The following MYO1H variants were observed in gnomAD, a reference collection of about 807,000 sequenced individuals.
MYO1H encodes myosin IH.
A neutral mutation model predicts 149.3 loss-of-function variants in MYO1H; 118 were observed. The observed-to-expected ratio is 0.79, with a 90% CI of 0.68 to 0.92. The LOEUF (loss-of-function observed/expected upper bound fraction) is 0.92. Among genes scored for constraint, MYO1H ranks in the 40% least tolerant of loss-of-function variants. MYO1H has a pLI of 0.00. For missense variants in MYO1H, 1,212 were observed against 1,280.7 expected, an observed-to-expected ratio of 0.95 and a Z score of 0.82; for synonymous variants, 447 against 465.2, an observed-to-expected ratio of 0.96 and a Z score of 0.50.
At chr12:109,365,915 T>C (rs1212247163) in intron 1 of MYO1H, among the ~76,000 whole-genome samples, 1 of 152,186 alleles carries the variant, frequency 6.6e-6, no homozygotes, top group Non-Finnish European at 1.5e-5. Context: ...TCACTGCCGA[T>C]GCTCCGCCTC....
intron 1 of MYO1H, among the ~76,000 whole-genome samples, chr12:109,366,218 C>T (rs1868862097): frequency 6.6e-6 from 1 of 152,204 alleles, no homozygotes; most frequent in African/African-American, 2.4e-5. Context: ...TTTCCAATCA[C>T]TTCTTTTTGC....
rs770815539 is a variant in MYO1H, at chr12:109,439,672, C to T, written c.2336C>T (p.Pro779Leu). ...ATCAGTCGCAACAAACCCCTCTGTC[C>T]TGACAACGAGGAATTTATCGTGTTT... Residue 779 changes from proline (P) to leucine (L), a missense_variant, in exon 24 of 32, where the codon CCT becomes CTT. Pro to Leu is a moderately conservative substitution (Grantham distance 98). Transcript: ENST00000310903. The T allele has an allele frequency of 3.7e-6, 6 of 1,613,742 alleles. No individual in the cohort carries two copies. In the South Asian group the frequency reaches 5.5e-5, roughly 15 times the overall value.
chr12:109,386,995 CGTGT>C (rs55675476), intron 1 of MYO1H, among the ~76,000 whole-genome samples: 12,777 of 140,850 alleles, frequency 0.091, 602 homozygotes, highest in Middle Eastern at 0.13. Flanking sequence ...ATCTCAAGTT[CGTGT>C]GTGTGTGTGT....
chr12:109,361,394 G>A (rs770688079), intron 1 of MYO1H, among the ~76,000 whole-genome samples: 55 of 152,186 alleles, frequency 3.6e-4, no homozygotes, highest in African/African-American at 1.3e-3. Flanking sequence ...TGAGTCATTT[G>A]CTGAGGACTT....
rs55675476 is a variant in MYO1H at position 109,386,995 on chromosome 12, CGTGTGTGTGTGT to C, written c.13-1653_13-1642del. Among the ~76,000 whole-genome samples, 1,106 of 141,182 alleles carry C rather than the reference CGTGTGTGTGTGT, an allele frequency of 7.8e-3. 13 individuals are homozygous for C. The highest frequency in any genetic ancestry group is 0.057 in the East Asian group (271 of 4,754). The allele number at this position is 141,182 out of a possible 152,430, so 92.6% of individuals were successfully genotyped here. On this transcript the variant is annotated intron_variant, in intron 1 of 31. Transcript: ENST00000310903. ...TTAGGTCTAAGATGCATCTCAAGTTCGTGTGTGTGTGTGTGTGTGTGTGTGTGTGTGTGTGTG... is the reference window on the plus strand; with the variant it reads ...TTAGGTCTAAGATGCATCTCAAGTTCGTGTGTGTGTGTGTGTGTGTGTGTG...
intron 8 of MYO1H, 84 bp downstream of exon 8, chr12:109,406,119 C>A (rs1304930642): frequency 5.6e-6 from 5 of 887,326 alleles, no homozygotes; most frequent in Non-Finnish European, 7.2e-6. Flanking sequence ...ACAGTTAGGC[C>A]CAAATATCTG....
chr12:109,353,393 CAAAAAAAAAAAAA>C (rs55927192), intron 1 of MYO1H, among the ~76,000 whole-genome samples: 1 of 79,298 alleles, frequency 1.3e-5, no homozygotes, highest in African/African-American at 4.7e-5. Context: ...GACTCCGTCT[CAAAAAAAAAAAAA>C]AAAAAAAAAA....
At chr12:109,359,687 A>G (rs1437961931) in intron 1 of MYO1H, among the ~76,000 whole-genome samples, 1 of 152,358 alleles carries the variant, frequency 6.6e-6, no homozygotes, top group South Asian at 2.1e-4. Flanking sequence ...AATGGATTGT[A>G]GCGCATTAAA....
the MYO1H span, among the ~76,000 whole-genome samples, chr12:109,326,079 A>G: frequency 6.6e-6 from 1 of 152,222 alleles, no homozygotes; most frequent in African/African-American, 2.4e-5. Context: ...CTGTGGTCCA[A>G]GGAGACTGCT....
chr12:109,361,453 G>A (rs888181465), intron 1 of MYO1H, among the ~76,000 whole-genome samples: 6 of 152,166 alleles, frequency 3.9e-5, no homozygotes, highest in South Asian at 2.1e-4. Flanking sequence ...CAAAGTGAAA[G>A]CATCTAGATG....
chr12:109,446,577 A>G, intron 31 of MYO1H: 2 of 373,298 alleles, frequency 5.4e-6, no homozygotes, highest in Non-Finnish European at 7.4e-6. Context: ...CAGTCTGGCC[A>G]ACATGGTGAA....
At chr12:109,324,005 T>C in the MYO1H span, among the ~76,000 whole-genome samples, 2 of 118,198 alleles carry the variant, frequency 1.7e-5, no homozygotes, top group African/African-American at 3.5e-5. Flanking sequence ...AGTGAGACCC[T>C]GACTCAAGAA....
intron 6 of MYO1H, 188 bp downstream of exon 6, chr12:109,401,460 C>T (rs1459831859): frequency 1.0e-5 from 6 of 581,910 alleles, no homozygotes; most frequent in Non-Finnish European, 1.7e-5. Flanking sequence ...AGCTATATCA[C>T]CTTGGTAAAG....
At chr12:109,343,664 AGT>A (rs1205683490), upstream of MYO1H, among the ~76,000 whole-genome samples, 3 of 152,206 alleles carry the variant, frequency 2.0e-5, no homozygotes, top group Non-Finnish European at 4.4e-5. Flanking sequence ...GCAAGGACTA[AGT>A]GTGTGTATAT....
At chr12:109,377,368 A>G (rs1259537171) in intron 1 of MYO1H, among the ~76,000 whole-genome samples, 4 of 152,230 alleles carry the variant, frequency 2.6e-5, no homozygotes, top group South Asian at 2.1e-4. Context: ...TGAGGAAGCA[A>G]GAGAGAGGAG....
intron 24 of MYO1H, among the ~76,000 whole-genome samples, chr12:109,440,073 C>T (rs1258798824): frequency 6.7e-6 from 1 of 149,796 alleles, no homozygotes; most frequent in African/African-American, 2.5e-5. Context: ...CTTGCTCTGT[C>T]ACCCAGGCTA....
intron 1 of MYO1H, among the ~76,000 whole-genome samples, chr12:109,365,067 T>G (rs34315524): frequency 0.24 from 36,579 of 152,000 alleles, 5,298 homozygotes; most frequent in East Asian, 0.39. Flanking sequence ...GGCTAGGAGA[T>G]CAAGTCCAGC....
At chr12:109,327,138 T>C in the MYO1H span, among the ~76,000 whole-genome samples, 45 of 135,106 alleles carry the variant, frequency 3.3e-4, 1 homozygote, top group South Asian at 0.01. Context: ...CTTTTTCTTT[T>C]TTTTTTTTTT....
intron 1 of MYO1H, among the ~76,000 whole-genome samples, chr12:109,366,965 C>T (rs1868878477): frequency 6.6e-6 from 1 of 152,190 alleles, no homozygotes. Flanking sequence ...ATGTGAGATG[C>T]TCAACCAGCA....
Sources: gnomAD v4.1 joint callset for allele counts (sites outside exome capture counted in the v4.1 genomes callset) on GRCh38, gnomAD v4.1.1 for gene constraint, MANE v1.5 for transcripts, NCBI Gene and HGNC (gene_info 2026-07-23, HGNC 2026-07-21) for gene names.